ADPGK: variants seen among roughly 807,000 people sequenced by gnomAD.
ADPGK encodes the protein ADP-dependent glucokinase.
Under a neutral mutation model 42.4 loss-of-function variants are expected in ADPGK, and 26 were observed. That is an observed-to-expected ratio of 0.61 (90% CI 0.45 to 0.85). ADPGK has a LOEUF of 0.85. ADPGK is among the 40% of genes least tolerant of loss of function. The pLI is 0.00. For synonymous variants in ADPGK, 267 were observed against 252.6 expected, an observed-to-expected ratio of 1.06 and a Z score of -0.54; for missense variants, 571 against 627.0, an observed-to-expected ratio of 0.91 and a Z score of 0.95.
chr15:72,761,943 C>T (rs1241250275), intron 3 of ADPGK, among the ~76,000 whole-genome samples: 1 of 152,152 alleles, frequency 6.6e-6, no homozygotes, highest in African/African-American at 2.4e-5. Flanking sequence ...ACAATCTCGG[C>T]TCACTGCAAT....
At chr15:72,778,372 T>C (rs1335000741) in intron 1 of ADPGK, among the ~76,000 whole-genome samples, 4 of 152,118 alleles carry the variant, frequency 2.6e-5, no homozygotes, top group African/African-American at 9.7e-5. Flanking sequence ...CTCAACTCAA[T>C]AGCATCCCAA....
chr15:72,770,424 T>C (rs1172575334), intron 3 of ADPGK, among the ~76,000 whole-genome samples: 1 of 152,146 alleles, frequency 6.6e-6, no homozygotes, highest in East Asian at 1.9e-4. Flanking sequence ...GTCCTGGGTA[T>C]TGTCTTCCCA....
intron 3 of ADPGK, among the ~76,000 whole-genome samples, chr15:72,766,822 A>G (rs2066266797): frequency 6.6e-6 from 1 of 152,222 alleles, no homozygotes; most frequent in African/African-American, 2.4e-5. Context: ...AAGTCAGAGA[A>G]GATAAAATGA....
At chr15:72,753,009 T>C (rs2066067675) in intron 6 of ADPGK, 114 bp from the exon 7 acceptor site, 1 of 1,057,126 alleles carries the variant, frequency 9.5e-7, no homozygotes, top group Non-Finnish European at 1.4e-6. Context: ...GCTTTCTTCC[T>C]TGATACAGGA....
intron 1 of ADPGK, among the ~76,000 whole-genome samples, chr15:72,781,906 TAAG>T (rs1279446187): frequency 6.6e-6 from 1 of 152,158 alleles, no homozygotes; most frequent in Non-Finnish European, 1.5e-5. Flanking sequence ...AGTGTCCACA[TAAG>T]AAGAATAAGA....
intron 1 of ADPGK, among the ~76,000 whole-genome samples, chr15:72,776,288 C>T (rs966974453): frequency 6.6e-6 from 1 of 152,138 alleles, no homozygotes; most frequent in African/African-American, 2.4e-5. Flanking sequence ...GGTCTTCCCG[C>T]CCCTACCCCT....
chr15:72,760,816 C>T (rs759517757), intron 3 of ADPGK, among the ~76,000 whole-genome samples: 6 of 152,178 alleles, frequency 3.9e-5, no homozygotes, highest in Non-Finnish European at 7.3e-5. Context: ...CTCATTCCCT[C>T]TGCTGCGGAC....
At chr15:72,772,744 C>T (rs1201676685) in intron 2 of ADPGK, among the ~76,000 whole-genome samples, 1 of 152,010 alleles carries the variant, frequency 6.6e-6, no homozygotes, top group African/African-American at 2.4e-5. Flanking sequence ...AAAAGTTTTC[C>T]TGGGAGTAAA....
chr15:72,760,301 G>A, intron 4 of ADPGK, 106 bp downstream of exon 4: 1 of 1,374,594 alleles, frequency 7.3e-7, no homozygotes, highest in Non-Finnish European at 9.7e-7. Context: ...GCAAAAACAG[G>A]ATCCTGCTAA....
chr15:72,771,691 A>G, intron 3 of ADPGK, 92 bp downstream of exon 3: 1 of 1,190,688 alleles, frequency 8.4e-7, no homozygotes, highest in South Asian at 1.4e-5. Context: ...GTGATCCATA[A>G]GTTGAATCAA....
At chr15:72,763,608 A>G (rs924634804) in intron 3 of ADPGK, among the ~76,000 whole-genome samples, 1 of 152,228 alleles carries the variant, frequency 6.6e-6, no homozygotes, top group Non-Finnish European at 1.5e-5. Flanking sequence ...AAGTACTAAC[A>G]AATTTAATGT....
intron 3 of ADPGK, among the ~76,000 whole-genome samples, chr15:72,766,969 T>C (rs2066268481): frequency 6.6e-6 from 1 of 152,198 alleles, no homozygotes; most frequent in Admixed American, 6.5e-5. Context: ...GTAAATGGTC[T>C]AAACACTCCG....
chr15:72,752,605 AGCCACACGAGCTCCT>A lies in ADPGK; in HGVS notation c.1215_1229del (p.Ala407_Gly411del), dbSNP rs745576152. 6.2e-7 allele frequency: 1 copy of A among 1,614,250 alleles called. No homozygotes were observed. The highest frequency in any genetic ancestry group is 1.3e-5 in the African/African-American group (1 of 75,066). Reference sequence around the variant, plus strand: ...TTTCTGTGGCGCAGGCCTGTGTCCCAGCCACACGAGCTCCTGCAGCCACGGCTGCCAGCTGGTTGG... The same window carrying A: ...TTTCTGTGGCGCAGGCCTGTGTCCCAGCAGCCACGGCTGCCAGCTGGTTGG... On this transcript the variant is annotated inframe_deletion, in exon 7 of 7. Transcript: ENST00000456471.
intron 4 of ADPGK, among the ~76,000 whole-genome samples, chr15:72,758,878 G>A (rs9806742): frequency 0.86 from 131,232 of 152,262 alleles, 56,962 homozygotes; most frequent in East Asian, 1. Context: ...AATACCTCAG[G>A]GGCTCATCTT....
chr15:72,771,666 T>G (rs893175439), intron 3 of ADPGK, 117 bp downstream of exon 3: 6 of 861,036 alleles, frequency 7.0e-6, no homozygotes, highest in African/African-American at 1.7e-5. Flanking sequence ...AGACCCAGGG[T>G]CTGGTACATA....
intron 4 of ADPGK, 90 bp from the exon 5 acceptor site, chr15:72,756,537 C>A: frequency 7.1e-7 from 1 of 1,409,752 alleles, no homozygotes; most frequent in Non-Finnish European, 9.7e-7. Context: ...CTCACAGGAG[C>A]CTTGGCTCCA....
chr15:72,783,200 G>A (rs1434918993), intron 1 of ADPGK: 2 of 1,218,726 alleles, frequency 1.6e-6, no homozygotes, highest in Non-Finnish European at 2.0e-6. Context: ...GGAGAAAGGT[G>A]TCAGACAAAG....
intron 3 of ADPGK, among the ~76,000 whole-genome samples, chr15:72,762,131 A>G (rs2066203465): frequency 6.6e-6 from 1 of 152,056 alleles, no homozygotes; most frequent in Admixed American, 6.5e-5. Flanking sequence ...TGGCCTCCCA[A>G]AGTGCTGGGA....
chr15:72,753,518 C>T (rs2066074469), intron 6 of ADPGK, among the ~76,000 whole-genome samples: 1 of 152,220 alleles, frequency 6.6e-6, no homozygotes. Context: ...GTCTTTCTTA[C>T]TTAGCACTTC....
Sources: gnomAD v4.1 joint callset for allele counts (sites outside exome capture counted in the v4.1 genomes callset) on GRCh38, gnomAD v4.1.1 for gene constraint, MANE v1.5 for transcripts, NCBI Gene and HGNC (gene_info 2026-07-23, HGNC 2026-07-21) for gene names.